NEGR1: variants seen among roughly 807,000 people sequenced by gnomAD.
NEGR1 encodes the protein IgLON family member 4.
A neutral mutation model predicts 40.9 loss-of-function variants in NEGR1; 10 were observed. The ratio of observed to expected loss-of-function variants is 0.24; its 90% CI spans 0.15 to 0.42. The LOEUF (loss-of-function observed/expected upper bound fraction) is 0.42, where lower values mean the gene tolerates loss of function less well. Ranked by LOEUF, NEGR1 falls within the 10% of genes least tolerant of loss-of-function variation. The probability of loss-of-function intolerance (pLI) is 1.00; values close to 1 mark genes in which losing one functional copy is unlikely to be tolerated. For synonymous variants in NEGR1, 185 were observed against 166.8 expected (o/e 1.11, Z -0.84); for missense variants, 352 against 438.9 (o/e 0.80, Z 1.77).
At chr1:72,140,509 C>A (rs1650631871) in intron 1 of NEGR1, among the ~76,000 whole-genome samples, 1 of 151,882 alleles carries the variant, frequency 6.6e-6, no homozygotes, top group Non-Finnish European at 1.5e-5. Context: ...AGTGATCACA[C>A]CCATGAAGAT....
At chr1:71,901,040 A>T (rs188001131) in intron 2 of NEGR1, among the ~76,000 whole-genome samples, 26 of 152,294 alleles carry the variant, frequency 1.7e-4, no homozygotes, top group Admixed American at 1.1e-3. Flanking sequence ...GATCCATCTA[A>T]CCTTAAAGCT....
intron 4 of NEGR1, among the ~76,000 whole-genome samples, chr1:71,617,111 A>T (rs951705760): frequency 1.3e-5 from 2 of 152,224 alleles, no homozygotes; most frequent in African/African-American, 4.8e-5. Flanking sequence ...GAAGGCCACC[A>T]CTTCATCAAA....
chr1:72,026,935 G>GT (rs1007454194), intron 1 of NEGR1, among the ~76,000 whole-genome samples: 17 of 151,360 alleles, frequency 1.1e-4, no homozygotes, highest in South Asian at 2.1e-4. Flanking sequence ...TTGTTTTTTG[G>GT]TTTTTTTTGA....
intron 6 of NEGR1, among the ~76,000 whole-genome samples, chr1:71,576,606 C>A (rs1188523773): frequency 6.6e-6 from 1 of 152,152 alleles, no homozygotes; most frequent in African/African-American, 2.4e-5. Context: ...TACTGGTTTT[C>A]TTTTCATATC....
At chr1:71,950,982 A>T (rs189491105) in intron 1 of NEGR1, among the ~76,000 whole-genome samples, 19 of 152,034 alleles carry the variant, frequency 1.2e-4, no homozygotes, top group Admixed American at 3.9e-4. Flanking sequence ...AATTTATCAT[A>T]TGTGTGTCTT....
intron 3 of NEGR1, among the ~76,000 whole-genome samples, chr1:71,707,658 C>T (rs919701601): frequency 3.3e-5 from 5 of 151,976 alleles, no homozygotes; most frequent in East Asian, 1.9e-4. Context: ...TGAACACAGG[C>T]GGTAGCCAGG....
At chr1:71,804,538 T>A (rs546034649) in intron 2 of NEGR1, among the ~76,000 whole-genome samples, 365 of 152,340 alleles carry the variant, frequency 2.4e-3, no homozygotes, top group African/African-American at 8.3e-3. Context: ...TCATGGACAT[T>A]TATTAGTTCC....
At chr1:71,776,475 A>G (rs898471333) in intron 2 of NEGR1, among the ~76,000 whole-genome samples, 178 bp from the exon 3 acceptor site, 7 of 152,164 alleles carry the variant, frequency 4.6e-5, no homozygotes, top group African/African-American at 1.7e-4. Context: ...GGAGTTTTTT[A>G]TTAGTTTTTT....
At chr1:71,792,979 C>T (rs1395268438) in intron 2 of NEGR1, among the ~76,000 whole-genome samples, 1 of 151,672 alleles carries the variant, frequency 6.6e-6, no homozygotes, top group Non-Finnish European at 1.5e-5. Context: ...GTTACTTATG[C>T]TTGAGTTTTA....
At chr1:71,778,150 G>A (rs1304148901) in intron 2 of NEGR1, among the ~76,000 whole-genome samples, 2 of 151,900 alleles carry the variant, frequency 1.3e-5, no homozygotes, top group African/African-American at 4.8e-5. Flanking sequence ...TCAATGAACT[G>A]TAAAGCACAT....
intron 2 of NEGR1, among the ~76,000 whole-genome samples, chr1:71,828,016 A>G (rs766545932): frequency 2.0e-5 from 3 of 151,980 alleles, no homozygotes; most frequent in African/African-American, 7.2e-5. Context: ...AAAATCTCAG[A>G]ATCAACTGAA....
At chr1:71,608,134 G>A (rs549058492) in intron 5 of NEGR1, among the ~76,000 whole-genome samples, 4 of 152,170 alleles carry the variant, frequency 2.6e-5, no homozygotes, top group South Asian at 2.1e-4. Context: ...GTTTTGAAAC[G>A]AAATTATTCA....
At chr1:71,722,670 A>C (rs546824183) in intron 3 of NEGR1, among the ~76,000 whole-genome samples, 1 of 152,230 alleles carries the variant, frequency 6.6e-6, no homozygotes, top group East Asian at 1.9e-4. Context: ...CTTAGCTACA[A>C]AATATAGGAA....
At position 71,956,147 on chromosome 1, in the gene NEGR1, C is replaced by T. The variant is rs181290423; in HGVS notation, c.177-20836G>A. On this transcript the variant is annotated intron_variant, in intron 1 of 6. Transcript: ENST00000357731. ...CTGATATATTCTTTCTGATTTATTACAGTACTAAATATAGCTTCAATCTGT... is the reference window on the plus strand; with the variant it reads ...CTGATATATTCTTTCTGATTTATTATAGTACTAAATATAGCTTCAATCTGT... 7.2e-4 allele frequency among the ~76,000 whole-genome samples: 109 copies of T among 152,244 alleles called. No individual in the cohort carries two copies. In the East Asian group the frequency reaches 0.02, roughly 28 times the overall value.
chr1:71,886,988 C>T (rs548854882), intron 2 of NEGR1, among the ~76,000 whole-genome samples: 9 of 152,312 alleles, frequency 5.9e-5, no homozygotes, highest in Admixed American at 3.3e-4. Context: ...TAACTTCTGA[C>T]TCCCCCAAAA....
At chr1:71,692,486 G>A (rs577235156) in intron 4 of NEGR1, among the ~76,000 whole-genome samples, 2 of 151,656 alleles carry the variant, frequency 1.3e-5, no homozygotes, top group South Asian at 2.1e-4. Context: ...TTTGAACACC[G>A]AGATTTTCCC....
intron 6 of NEGR1, among the ~76,000 whole-genome samples, chr1:71,536,177 AT>A (rs1171525035): frequency 6.6e-6 from 1 of 151,630 alleles, no homozygotes; most frequent in Non-Finnish European, 1.5e-5. Flanking sequence ...GTAGACATTG[AT>A]TTTTTCCAAT....
Position 71,928,357 on chromosome 1 carries a change from T to TACACAC in NEGR1, c.409+6721_409+6722insGTGTGT, listed in dbSNP as rs1645813435. Among the ~76,000 whole-genome samples the TACACAC allele has an allele frequency of 2.0e-4, 17 of 86,100 alleles. 2 individuals carry two copies. Among genetic ancestry groups the TACACAC allele is most frequent in the Admixed American group, 1.3e-3 (8 of 6,238 alleles). The allele number at this position is 86,100 out of a possible 152,430, so 56.5% of individuals were successfully genotyped here. ...GTATATATACACACATGTGTATATA[T>TACACAC]ATATACACATATGTATATATGTATA... On this transcript the variant is annotated intron_variant, in intron 2 of 6. Transcript: ENST00000357731.
At chr1:71,624,658 C>A (rs942092397) in intron 4 of NEGR1, among the ~76,000 whole-genome samples, 13 of 151,896 alleles carry the variant, frequency 8.6e-5, no homozygotes, top group African/African-American at 3.1e-4. Flanking sequence ...TTACTTGATA[C>A]TTCCTCAGTC....
Sources: gnomAD v4.1 joint callset for allele counts (sites outside exome capture counted in the v4.1 genomes callset) on GRCh38, gnomAD v4.1.1 for gene constraint, MANE v1.5 for transcripts, NCBI Gene and HGNC (gene_info 2026-07-23, HGNC 2026-07-21) for gene names.